The following APBB1IP variants were observed in gnomAD, a reference collection of about 807,000 sequenced individuals.
APBB1IP encodes the protein amyloid beta A4 precursor protein-binding family B member 1-interacting protein.
APBB1IP carries 27 observed loss-of-function variants against 64.9 expected under a neutral mutation model. That is an observed-to-expected ratio of 0.42 (90% CI 0.31 to 0.57). The LOEUF (loss-of-function observed/expected upper bound fraction) is 0.57. APBB1IP is among the 20% of genes least tolerant of loss of function. APBB1IP has a pLI of 0.20. For synonymous variants in APBB1IP, 392 were observed against 331.0 expected (o/e 1.18, Z -2.00); for missense variants, 812 against 845.5 (o/e 0.96, Z 0.49).
In APBB1IP at chr10:26,567,556, A is replaced by G; in HGVS notation, c.*68A>G. 2 of 1,495,380 alleles carry G rather than the reference A, an allele frequency of 1.3e-6. No homozygotes were observed. The highest frequency in any genetic ancestry group is 1.4e-5 in the African/African-American group (1 of 71,038). The allele number at this position is 1,495,380 out of a possible 1,614,324, so 92.6% of individuals were successfully genotyped here. A position where few individuals can be genotyped will look rare whatever the true frequency, so the allele number is the denominator to read the frequency against. ...CCCCGAGCGCAGGTTTTGCTAGCAG[A>G]TTGCCCTGACATCTTGTTCATTTCA... On this transcript the variant is annotated 3_prime_UTR_variant, in exon 15 of 15. Transcript: ENST00000376236.
At chr10:26,502,192 C>G (rs1028374929) in intron 5 of APBB1IP, among the ~76,000 whole-genome samples, 2 of 152,132 alleles carry the variant, frequency 1.3e-5, no homozygotes, top group African/African-American at 4.8e-5. Context: ...TAGAATGTAA[C>G]CAGAACAGCT....
chr10:26,493,230 G>A (rs371026694), intron 3 of APBB1IP, among the ~76,000 whole-genome samples: 50 of 152,032 alleles, frequency 3.3e-4, no homozygotes, highest in African/African-American at 1.1e-3. Flanking sequence ...TTTTCAAGGT[G>A]CCCAGATTTC....
chr10:26,562,366 C>T lies in APBB1IP; in HGVS notation c.1410C>T (p.Pro470=), dbSNP rs1410018148. The change falls in exon 14 of 15, where the codon CCC becomes CCT. Residue 470 remains proline (P), a synonymous_variant. Coordinates refer to ENST00000376236, the MANE Select transcript of APBB1IP (RefSeq NM_019043.4). ...CCACCCAGCCCAATGGACAGATTCC[C>T]CAGGCTACACATTCTGTCAGTGCTG... ...TGTTQPNGQI[P]QATHSVSAVL... 3.7e-6 allele frequency: 6 copies of T among 1,613,868 alleles called. No individual in the cohort carries two copies. Among genetic ancestry groups the T allele is most frequent in the Non-Finnish European group, 5.1e-6 (6 of 1,179,940 alleles).
intron 8 of APBB1IP, among the ~76,000 whole-genome samples, chr10:26,516,563 T>TAAAAAAAAAAAAAAAAAAAAAAAA (rs1198670517): frequency 5.1e-4 from 27 of 53,232 alleles, no homozygotes; most frequent in East Asian, 3.8e-3. Flanking sequence ...AAAAAAAAAG[T>TAAAAAAAAAAAAAAAAAAAAAAAA]AAAGCGGAAA....
intron 13 of APBB1IP, among the ~76,000 whole-genome samples, chr10:26,561,474 C>A (rs575344371): frequency 6.7e-6 from 1 of 148,780 alleles, no homozygotes; most frequent in Non-Finnish European, 1.5e-5. Context: ...TTTAACAAAG[C>A]TTTGACCACT....
chr10:26,548,537 T>C (rs763563839), intron 11 of APBB1IP, among the ~76,000 whole-genome samples: 9 of 152,186 alleles, frequency 5.9e-5, no homozygotes, highest in Non-Finnish European at 1.3e-4. Flanking sequence ...CACTGTTTTA[T>C]AGTTTTCGTC....
intron 8 of APBB1IP, among the ~76,000 whole-genome samples, chr10:26,525,444 G>T (rs1411469124): frequency 6.6e-6 from 1 of 152,082 alleles, no homozygotes; most frequent in East Asian, 1.9e-4. Context: ...TGTTCTAGGG[G>T]TATCAGCCAT....
chr10:26,539,570 A>G (rs1836672168), intron 10 of APBB1IP, among the ~76,000 whole-genome samples: 1 of 152,206 alleles, frequency 6.6e-6, no homozygotes, highest in Non-Finnish European at 1.5e-5. Flanking sequence ...AAGGTTTCCT[A>G]AGCAAGAATA....
At chr10:26,445,525 GATT>G (rs1214232298) in intron 2 of APBB1IP, among the ~76,000 whole-genome samples, 1 of 152,174 alleles carries the variant, frequency 6.6e-6, no homozygotes, top group African/African-American at 2.4e-5. Context: ...GCTGGGCTGG[GATT>G]ACAGGCATAG....
chr10:26,443,338 C>G (rs1002751101), intron 2 of APBB1IP, among the ~76,000 whole-genome samples: 7 of 151,282 alleles, frequency 4.6e-5, no homozygotes, highest in Non-Finnish European at 1.0e-4. Context: ...GCAGGAGAAT[C>G]GCTTGAACCC....
intron 8 of APBB1IP, among the ~76,000 whole-genome samples, chr10:26,518,871 T>TA (rs1836365882): frequency 6.6e-6 from 1 of 152,234 alleles, no homozygotes. Context: ...TCTTGCGTCC[T>TA]AATTGCTTCA....
At chr10:26,482,626 A>G (rs547240254) in intron 2 of APBB1IP, among the ~76,000 whole-genome samples, 1 of 152,268 alleles carries the variant, frequency 6.6e-6, no homozygotes, top group Non-Finnish European at 1.5e-5. Flanking sequence ...CTGTAGTTGT[A>G]ATATGTCTAC....
chr10:26,470,893 T>C (rs1835708459), intron 2 of APBB1IP, among the ~76,000 whole-genome samples: 1 of 152,116 alleles, frequency 6.6e-6, no homozygotes, highest in African/African-American at 2.4e-5. Context: ...GCCTGCGTCC[T>C]TGCCCATCAT....
intron 10 of APBB1IP, among the ~76,000 whole-genome samples, chr10:26,540,432 C>G (rs1350536760): frequency 1.3e-5 from 2 of 152,008 alleles, no homozygotes; most frequent in African/African-American, 4.8e-5. Context: ...AAACTATTAA[C>G]TATGGTACCT....
rs549705066 is a variant in APBB1IP, at chr10:26,452,496, T to G, written c.-1+13643T>G. Reference sequence around the variant, plus strand: ...ATTTCCACCTCTTAATAATCACAATTCATGTTTTCAGAAGACAATGTAGTT... The same window carrying G: ...ATTTCCACCTCTTAATAATCACAATGCATGTTTTCAGAAGACAATGTAGTT... On this transcript the variant is annotated intron_variant, in intron 2 of 14. Coordinates refer to ENST00000376236, the MANE Select transcript of APBB1IP (RefSeq NM_019043.4). Among the ~76,000 whole-genome samples the G allele has an allele frequency of 2.0e-5, 3 of 152,338 alleles. No individual in the cohort carries two copies. The South Asian group carries it at 6.2e-4, about 32-fold the overall frequency.
chr10:26,501,217 T>C (rs772201395), intron 5 of APBB1IP, 106 bp downstream of exon 5: 169 of 1,508,116 alleles, frequency 1.1e-4, no homozygotes, highest in Non-Finnish European at 1.4e-4. Context: ...TCCAAAGATC[T>C]GAGATACTAA....
rs527856740 is a variant in APBB1IP at position 26,504,743 on chromosome 10, G to A, written c.531+1469G>A. 2.6e-5 allele frequency among the ~76,000 whole-genome samples: 4 copies of A among 152,108 alleles called. No homozygotes were observed. In the South Asian group the frequency reaches 6.2e-4, roughly 24 times the overall value. On this transcript the variant is annotated intron_variant, in intron 6 of 14. Coordinates refer to ENST00000376236, the MANE Select transcript of APBB1IP (RefSeq NM_019043.4). ...AAATTAAAAAAAAAAAGTTAATTTG[G>A]TAAATTAAGGCAAAGATGAAACAGT...
At chr10:26,450,221 C>T (rs988663587) in intron 2 of APBB1IP, among the ~76,000 whole-genome samples, 5 of 152,138 alleles carry the variant, frequency 3.3e-5, no homozygotes, top group East Asian at 1.9e-4. Context: ...CCATTAAATG[C>T]GTCTGTACAT....
At chr10:26,502,251 A>G (rs1204641618) in intron 5 of APBB1IP, among the ~76,000 whole-genome samples, 5 of 152,260 alleles carry the variant, frequency 3.3e-5, no homozygotes, top group Non-Finnish European at 7.3e-5. Context: ...TGCAAAAATC[A>G]AAGAGCTTTG....
Sources: allele counts gnomAD v4.1 joint callset (sites outside exome capture counted in the v4.1 genomes callset), GRCh38; gene constraint gnomAD v4.1.1; transcripts MANE v1.5; gene names NCBI Gene and HGNC (gene_info 2026-07-23, HGNC 2026-07-21).